Variants in PRCC observed in about 807,000 individuals in gnomAD.
PRCC encodes the protein proline rich mitotic checkpoint control factor.
PRCC carries 10 observed loss-of-function variants against 44.0 expected under a neutral mutation model. The observed-to-expected ratio is 0.23, with a 90% CI of 0.14 to 0.39. PRCC has a LOEUF of 0.39. Ranked by LOEUF, PRCC falls within the 10% of genes least tolerant of loss-of-function variation. The pLI, the probability that PRCC is intolerant of heterozygous loss-of-function variation, is 1.00. For missense variants in PRCC, 573 were observed against 624.7 expected, an observed-to-expected ratio of 0.92 and a Z score of 0.88; for synonymous variants, 278 against 259.5, an observed-to-expected ratio of 1.07 and a Z score of -0.69.
chr1:156,796,135 C>G (rs989287627), intron 5 of PRCC: 1 of 152,208 alleles, frequency 6.6e-6, no homozygotes, highest in Admixed American at 6.5e-5. Context: ...AACTGTGGGT[C>G]GAGAAGCATA....
chr1:156,794,655 T>C lies in PRCC; in HGVS notation c.1180-10T>C, dbSNP rs1652598164. 1 of 1,613,768 alleles carries C rather than the reference T, an allele frequency of 6.2e-7. No individual in the cohort carries two copies. Among genetic ancestry groups the C allele is most frequent in the Non-Finnish European group, 8.5e-7 (1 of 1,179,938 alleles). ...CAGATTCCTGACTCCTGCATTTTTT[T>C]CTTTTCCAGTTTAAGCGGCTGCAGG... On this transcript the variant is annotated splice_polypyrimidine_tract_variant and intron_variant, in intron 4 of 6. Transcript: ENST00000271526.
intron 1 of PRCC, among the ~76,000 whole-genome samples, chr1:156,778,869 G>A (rs1244815872): frequency 6.6e-6 from 1 of 150,896 alleles, no homozygotes; most frequent in African/African-American, 2.4e-5. Context: ...GCGCAATCTC[G>A]GCTCACTACA....
intron 4 of PRCC, among the ~76,000 whole-genome samples, chr1:156,792,807 G>A (rs755374899): frequency 2.0e-5 from 3 of 152,154 alleles, no homozygotes; most frequent in Non-Finnish European, 2.9e-5. Flanking sequence ...TATTAGTTGT[G>A]TGGTAATATG....
intron 5 of PRCC, among the ~76,000 whole-genome samples, chr1:156,795,096 A>G (rs1652611094): frequency 6.6e-6 from 1 of 152,072 alleles, no homozygotes; most frequent in South Asian, 2.1e-4. Flanking sequence ...CTCAGGCTGC[A>G]CAGAATCCAC....
Position 156,786,887 on chromosome 1 carries a change from G to C in PRCC, c.796G>C (p.Asp266His). The change falls in exon 3 of 7, where the codon GAC becomes CAC. Residue 266 changes from aspartate (D) to histidine (H), a missense_variant. By Grantham distance (81) the Asp-to-His change is moderately conservative. Transcript: ENST00000271526. ...AAAGCAGATCACGCAGGAAGAAGAC[G>C]ACAGTGATGAGGAAGTAGCCCCCGA... ...VTKQITQEED[D>H]SDEEVAPENF... 1 of 1,614,234 alleles carries C rather than the reference G, an allele frequency of 6.2e-7. No individual in the cohort carries two copies. The highest frequency in any genetic ancestry group is 2.2e-5 in the East Asian group (1 of 44,890).
Position 156,767,857 on chromosome 1 carries a change from C to G in PRCC, c.86C>G (p.Pro29Arg). Residue 29 changes from proline (P) to arginine (R), a missense_variant, in exon 1 of 7, where the codon CCT becomes CGT. Around this residue, in one of 4 missense-constraint regions of PRCC, gnomAD observed 245 missense variants for 188.5 expected, o/e 1.30. Coordinates refer to ENST00000271526, the MANE Select transcript of PRCC (RefSeq NM_005973.5). Reference sequence around the variant, plus strand: ...CCGGAGGAAGAGGAGGCGGTGGCTCCTACATCTGGGCCCGCTTTAGGGGGC... The same window carrying G: ...CCGGAGGAAGAGGAGGCGGTGGCTCGTACATCTGGGCCCGCTTTAGGGGGC... ...PEPEEEEAVA[P>R]TSGPALGGLF... is the part of the protein sequence containing the mutation. The G allele has an allele frequency of 6.2e-7, 1 of 1,609,314 alleles. No individual in the cohort carries two copies. Among genetic ancestry groups the G allele is most frequent in the Non-Finnish European group, 8.5e-7 (1 of 1,178,626 alleles).
chr1:156,779,128 ATTTTTTTTTTTTTTT>A (rs869088692), intron 1 of PRCC, among the ~76,000 whole-genome samples: 467 of 35,826 alleles, frequency 0.013, 3 homozygotes, highest in Admixed American at 0.087. Context: ...ATATATATAT[ATTTTTTTTTTTTTTT>A]TTTTTTTTTT....
intron 3 of PRCC, 195 bp from the exon 4 acceptor site, chr1:156,791,502 G>T: frequency 1.7e-6 from 1 of 587,642 alleles, no homozygotes; most frequent in Admixed American, 3.2e-5. Context: ...GATGAGAAAA[G>T]CTGTAGGGAC....
chr1:156,772,068 A>C (rs1318962763), intron 1 of PRCC, among the ~76,000 whole-genome samples: 1 of 152,164 alleles, frequency 6.6e-6, no homozygotes, highest in Non-Finnish European at 1.5e-5. Context: ...CATGTTGCCA[A>C]GGCTGGTCTC....
At chr1:156,791,159 C>T (rs538393746) in intron 3 of PRCC, 7 of 1,412,354 alleles carry the variant, frequency 5.0e-6, no homozygotes, top group Admixed American at 1.8e-5. Context: ...TTGTTCCCAG[C>T]TTTGTAAGTT....
At chr1:156,793,411 C>T (rs1652556926) in intron 4 of PRCC, among the ~76,000 whole-genome samples, 1 of 152,142 alleles carries the variant, frequency 6.6e-6, no homozygotes, top group African/African-American at 2.4e-5. Flanking sequence ...CTTTGAGGCA[C>T]ACCTCTGGAT....
chr1:156,791,811 AG>A lies in PRCC; in HGVS notation c.1179+20del, dbSNP rs1424556868. On this transcript the variant is annotated intron_variant, in intron 4 of 6. Coordinates refer to ENST00000271526, the MANE Select transcript of PRCC (RefSeq NM_005973.5). ...CGAAGCAGTAAGTTAAGAAAGCACA[AG>A]TGACCATCTTTGACCGCTGGGCACC... 1.0e-5 allele frequency: 16 copies of A among 1,603,190 alleles called. No individual in the cohort carries two copies. Among genetic ancestry groups the A allele is most frequent in the Non-Finnish European group, 1.4e-5 (16 of 1,171,848 alleles).
At chr1:156,787,715 T>C (rs931458696) in intron 3 of PRCC, among the ~76,000 whole-genome samples, 10 of 138,668 alleles carry the variant, frequency 7.2e-5, no homozygotes, top group Non-Finnish European at 1.5e-4. Flanking sequence ...AGTGGCACAA[T>C]CTTGGCTCAG....
At chr1:156,790,276 CTATAGGCTGAGCAGAGATAGTA>C (rs1190223536) in intron 3 of PRCC, among the ~76,000 whole-genome samples, 1 of 152,208 alleles carries the variant, frequency 6.6e-6, no homozygotes, top group Non-Finnish European at 1.5e-5. Context: ...TTGTTGTTTC[CTATAGGCTGAGCAGAGATAGTA>C]TATCTGCCCT....
chr1:156,775,191 T>G (rs1418623527), intron 1 of PRCC, among the ~76,000 whole-genome samples: 3 of 151,870 alleles, frequency 2.0e-5, no homozygotes, highest in South Asian at 4.2e-4. Context: ...GAGCTTGCAG[T>G]GAGCCGAGAT....
chr1:156,797,111 A>G (rs902258714), intron 5 of PRCC, 165 bp from the exon 6 acceptor site: 4 of 681,582 alleles, frequency 5.9e-6, no homozygotes, highest in Non-Finnish European at 1.0e-5. Context: ...TTTAATAAAA[A>G]TAAAGGCTTT....
chr1:156,768,358 G>A, intron 1 of PRCC, 119 bp downstream of exon 1: 1 of 1,075,690 alleles, frequency 9.3e-7, no homozygotes, highest in Non-Finnish European at 1.4e-6. Flanking sequence ...CAAGGCCACT[G>A]GAATCCTCTT....
intron 1 of PRCC, 131 bp downstream of exon 1, chr1:156,768,370 T>C (rs1651498580): frequency 1.4e-5 from 14 of 986,806 alleles, no homozygotes; most frequent in East Asian, 1.0e-4. Context: ...AATCCTCTTA[T>C]AATGCGATTA....
At chr1:156,784,725 G>A (rs1307501994) in intron 2 of PRCC, among the ~76,000 whole-genome samples, 7 of 152,208 alleles carry the variant, frequency 4.6e-5, no homozygotes, top group Non-Finnish European at 8.8e-5. Flanking sequence ...GAAGGCTGGA[G>A]TACACTAGTA....
Sources: allele counts gnomAD v4.1 joint callset (sites outside exome capture counted in the v4.1 genomes callset), GRCh38; gene constraint gnomAD v4.1.1; regional missense constraint gnomAD v4.1.1; transcripts MANE v1.5; gene names NCBI Gene and HGNC (gene_info 2026-07-23, HGNC 2026-07-21).